Variants in CLMN observed in about 807,000 individuals in gnomAD.
CLMN encodes calmin.
Under a neutral mutation model 92.7 loss-of-function variants are expected in CLMN, and 57 were observed. The ratio of observed to expected loss-of-function variants is 0.61; its 90% CI spans 0.50 to 0.77. The LOEUF (loss-of-function observed/expected upper bound fraction) is 0.77. Ranked by LOEUF, CLMN falls within the 30% of genes least tolerant of loss-of-function variation. The pLI, the probability that CLMN is intolerant of heterozygous loss-of-function variation, is 0.00. For synonymous variants in CLMN, 466 were observed against 470.6 expected (o/e 0.99, Z 0.13); for missense variants, 1,158 against 1,237.5 (o/e 0.94, Z 0.96).
At position 95,221,778 on chromosome 14, in the gene CLMN, T is replaced by C. The variant is rs759202162; in HGVS notation, c.241-4A>G. On this transcript the variant is annotated splice_region_variant and splice_polypyrimidine_tract_variant and intron_variant, in intron 3 of 12. Coordinates refer to ENST00000298912, the MANE Select transcript of CLMN (RefSeq NM_024734.4). ...ACGAGGATTTGTATTCGTGCAGCTA[T>C]AAAACAGAACAGAACAAAACAAGCA... The C allele has an allele frequency of 1.2e-6, 2 of 1,614,088 alleles. No individual in the cohort carries two copies. Among genetic ancestry groups the C allele is most frequent in the Non-Finnish European group, 1.7e-6 (2 of 1,179,944 alleles).
At chr14:95,235,795 G>A (rs995090586) in intron 1 of CLMN, among the ~76,000 whole-genome samples, 1 of 152,126 alleles carries the variant, frequency 6.6e-6, no homozygotes, top group South Asian at 2.1e-4. Context: ...TCCAGCTTCC[G>A]AGACGCTGCT....
chr14:95,276,232 C>T (rs1312395572), intron 1 of CLMN, among the ~76,000 whole-genome samples: 2 of 152,094 alleles, frequency 1.3e-5, no homozygotes, highest in Non-Finnish European at 2.9e-5. Context: ...GGTATTTTAT[C>T]CTGAGGAAAG....
In CLMN at chr14:95,215,815, CTGTGTGTGTGTGTGTGTGTGTGTGTG is replaced by C. The variant is rs57063101; in HGVS notation, c.325-108_325-83del. The C allele has an allele frequency of 1.2e-4, 70 of 571,892 alleles. No homozygotes were observed. In the African/African-American group the frequency reaches 1.3e-3, roughly 10 times the overall value. 35.4% of individuals were successfully genotyped at this position (571,892 alleles called of 1,614,324 possible). A position where few individuals can be genotyped will look rare whatever the true frequency, so the allele number is the denominator to read the frequency against. On this transcript the variant is annotated intron_variant, in intron 4 of 12. Transcript: ENST00000298912. ...TTATTTTCTGGTTCTCTCTCTCTCT[CTGTGTGTGTGTGTGTGTGTGTGTGTG>C]TGTGTGTGTGTGTGTGTGTTTGCAT... is the stretch of plus-strand genomic sequence containing the variant.
intron 1 of CLMN, among the ~76,000 whole-genome samples, chr14:95,235,230 G>A (rs1435845445): frequency 5.3e-5 from 8 of 152,246 alleles, no homozygotes; most frequent in Admixed American, 1.3e-4. Flanking sequence ...GGTCACTAAC[G>A]TCATGAGCCT....
intron 1 of CLMN, among the ~76,000 whole-genome samples, chr14:95,230,951 C>A (rs557800442): frequency 6.6e-6 from 1 of 152,226 alleles, no homozygotes. Context: ...CCCAAAGAGG[C>A]TTCTTAGCAA....
At chr14:95,236,894 A>AG (rs142908996) in intron 1 of CLMN, among the ~76,000 whole-genome samples, 134 of 152,192 alleles carry the variant, frequency 8.8e-4, no homozygotes, top group Middle Eastern at 3.4e-3. Flanking sequence ...TGGTGTGGGG[A>AG]GGGGCTGCTG....
chr14:95,298,857 A>G (rs1429992409), intron 1 of CLMN, among the ~76,000 whole-genome samples: 2 of 152,184 alleles, frequency 1.3e-5, no homozygotes, highest in Non-Finnish European at 1.5e-5. Flanking sequence ...TAACCTGCTC[A>G]GGTCACAGGC....
At chr14:95,319,463 G>A (rs1349668522) in intron 1 of CLMN, among the ~76,000 whole-genome samples, 1 of 152,074 alleles carries the variant, frequency 6.6e-6, no homozygotes, top group Non-Finnish European at 1.5e-5. Flanking sequence ...ATGAAAATGC[G>A]AGCCCTCGCC....
At chr14:95,297,733 G>A (rs1900865593) in intron 1 of CLMN, among the ~76,000 whole-genome samples, 1 of 151,976 alleles carries the variant, frequency 6.6e-6, no homozygotes, top group African/African-American at 2.4e-5. Context: ...GCATGGATGT[G>A]CCACAATCTG....
intron 9 of CLMN, among the ~76,000 whole-genome samples, chr14:95,200,590 C>T (rs745931011): frequency 6.6e-6 from 1 of 152,192 alleles, no homozygotes; most frequent in African/African-American, 2.4e-5. Flanking sequence ...CACTTATTAA[C>T]GTGGCATCTG....
intron 8 of CLMN, among the ~76,000 whole-genome samples, chr14:95,207,244 C>T (rs1452517080): frequency 2.0e-5 from 3 of 152,126 alleles, no homozygotes; most frequent in Admixed American, 6.6e-5. Context: ...TTAAAATCTT[C>T]TCTTTTAGAC....
intron 1 of CLMN, among the ~76,000 whole-genome samples, chr14:95,299,947 C>A (rs1316647518): frequency 6.6e-6 from 1 of 152,240 alleles, no homozygotes; most frequent in African/African-American, 2.4e-5. Flanking sequence ...GGCAGTCAAG[C>A]ATAAATGTTG....
At chr14:95,208,781 T>A (rs1199501512) in intron 8 of CLMN, among the ~76,000 whole-genome samples, 1 of 152,156 alleles carries the variant, frequency 6.6e-6, no homozygotes, top group Non-Finnish European at 1.5e-5. Flanking sequence ...AATAAACAAT[T>A]CCTAAGTTTC....
intron 10 of CLMN, among the ~76,000 whole-genome samples, chr14:95,195,078 C>T (rs765856360): frequency 1.3e-5 from 2 of 152,196 alleles, no homozygotes; most frequent in Admixed American, 6.5e-5. Context: ...TGGAGGGTAA[C>T]GTCCTATTTC....
rs1171610205 is a variant in CLMN, at chr14:95,203,656, T to C, written c.1693A>G (p.Lys565Glu). 1 of 1,614,198 alleles carries C rather than the reference T, an allele frequency of 6.2e-7. No individual in the cohort carries two copies. Among genetic ancestry groups the C allele is most frequent in the Admixed American group, 1.7e-5 (1 of 60,018 alleles). The change falls in exon 9 of 13, where the codon AAA (lysine) becomes GAA (glutamate). Residue 565 changes from lysine to glutamate, a missense_variant. By Grantham distance (56) the Lys-to-Glu change is moderately conservative. Transcript: ENST00000298912. ...YFEAIPLKAS[K>E]FNSDLIDFAS... ...AAATCTATTAGGTCGCTGTTAAATT[T>C]TGAGGCTTTTAATGGGATGGCTTCA...
chr14:95,291,245 G>C (rs998297952), intron 1 of CLMN, among the ~76,000 whole-genome samples: 17 of 152,202 alleles, frequency 1.1e-4, no homozygotes, highest in African/African-American at 4.1e-4. Context: ...CCTGGGGCTT[G>C]GCTCGCCATC....
chr14:95,211,009 C>A, intron 6 of CLMN, 130 bp from the exon 7 acceptor site: 2 of 834,256 alleles, frequency 2.4e-6, no homozygotes, highest in Non-Finnish European at 3.5e-6. Context: ...GGTGAAGACG[C>A]CTTCATCCCT....
In CLMN at chr14:95,246,625, C is replaced by T. The variant is rs568026604; in HGVS notation, c.83-16492G>A. ...CTGGGAGTAGAGGCGCCCACCACCA[C>T]GCCAGCTAATTTTTTGTATTTTTGG... On this transcript the variant is annotated intron_variant, in intron 1 of 12. Coordinates refer to ENST00000298912, the MANE Select transcript of CLMN (RefSeq NM_024734.4). 2.6e-5 allele frequency among the ~76,000 whole-genome samples: 4 copies of T among 152,276 alleles called. No individual in the cohort carries two copies. In the South Asian group the frequency reaches 6.2e-4, roughly 24 times the overall value.
intron 8 of CLMN, among the ~76,000 whole-genome samples, chr14:95,205,070 C>G (rs1897009219): frequency 6.6e-6 from 1 of 152,178 alleles, no homozygotes; most frequent in African/African-American, 2.4e-5. Flanking sequence ...GCTTGACTCC[C>G]AATGCACCGA....
Sources: gnomAD v4.1 joint callset for allele counts (sites outside exome capture counted in the v4.1 genomes callset) on GRCh38, gnomAD v4.1.1 for gene constraint, MANE v1.5 for transcripts, NCBI Gene and HGNC (gene_info 2026-07-23, HGNC 2026-07-21) for gene names.